KCNMA1: variants seen among roughly 807,000 people sequenced by gnomAD.
KCNMA1 encodes the protein Calcium-activated potassium channel subunit alpha-1.
KCNMA1 carries 29 observed loss-of-function variants against 140.0 expected under a neutral mutation model. The observed-to-expected ratio is 0.21, with a 90% CI of 0.15 to 0.28. The LOEUF is 0.28. KCNMA1 is among the 10% of genes least tolerant of loss of function. The pLI is 1.00. For synonymous variants in KCNMA1, 612 were observed against 611.9 expected, an observed-to-expected ratio of 1.00 and a Z score of 0.00; for missense variants, 880 against 1,602.2, an observed-to-expected ratio of 0.55 and a Z score of 7.70.
At chr10:77,391,909 G>A (rs866289777) in intron 2 of KCNMA1, among the ~76,000 whole-genome samples, 2 of 151,320 alleles carry the variant, frequency 1.3e-5, no homozygotes, top group East Asian at 2.0e-4. Flanking sequence ...AAACTTTCTC[G>A]CAGCTGAAAT....
intron 3 of KCNMA1, among the ~76,000 whole-genome samples, chr10:77,237,496 C>T (rs1479636353): frequency 6.6e-6 from 1 of 152,186 alleles, no homozygotes; most frequent in Admixed American, 6.5e-5. Flanking sequence ...CTCACTCTGT[C>T]CCTCAGGCTG....
chr10:77,483,732 G>C (rs1470140362), intron 1 of KCNMA1, among the ~76,000 whole-genome samples: 1 of 152,168 alleles, frequency 6.6e-6, no homozygotes, highest in Non-Finnish European at 1.5e-5. Context: ...CAAGAACCTG[G>C]TGAAAAGATG....
chr10:76,886,908 T>C lies in KCNMA1; in HGVS notation c.*358A>G. Reference sequence around the variant, plus strand: ...ATCCTGATAAATCAGAATCAACTTTTCTTTTACATTAAATAAACTTGCTCT... The same window carrying C: ...ATCCTGATAAATCAGAATCAACTTTCCTTTTACATTAAATAAACTTGCTCT... On this transcript the variant is annotated 3_prime_UTR_variant, in exon 28 of 28. Coordinates refer to ENST00000286628, the MANE Select transcript of KCNMA1 (RefSeq NM_001161352.2). 8.8e-7 allele frequency: 1 copy of C among 1,130,958 alleles called. No individual in the cohort carries two copies. The highest frequency in any genetic ancestry group is 1.1e-6 in the Non-Finnish European group (1 of 915,296). 70.1% of individuals were successfully genotyped at this position (1,130,958 alleles called of 1,614,324 possible). A position where few individuals can be genotyped will look rare whatever the true frequency, so the allele number is the denominator to read the frequency against.
rs547350453 is a variant in KCNMA1 at position 77,219,075 on chromosome 10, C to T, written c.602+32120G>A. ...CTTGAAGTGCCCTCCTGGTTCATTT[C>T]GTCTAGTGACAAATATGACTCCATA... On this transcript the variant is annotated intron_variant, in intron 3 of 27. Transcript: ENST00000286628. 5.9e-5 allele frequency among the ~76,000 whole-genome samples: 9 copies of T among 152,226 alleles called. No individual in the cohort carries two copies. In the South Asian group the frequency reaches 6.2e-4, roughly 11 times the overall value.
intron 1 of KCNMA1, among the ~76,000 whole-genome samples, chr10:77,489,059 G>GT (rs2098500332): frequency 6.6e-6 from 1 of 152,146 alleles, no homozygotes; most frequent in Non-Finnish European, 1.5e-5. Flanking sequence ...GGTCATAAGG[G>GT]TTGCAGGAGC....
intron 1 of KCNMA1, among the ~76,000 whole-genome samples, chr10:77,576,290 C>T (rs1015897155): frequency 9.2e-5 from 14 of 152,216 alleles, no homozygotes; most frequent in Non-Finnish European, 1.0e-4. Flanking sequence ...GAAACCTCCA[C>T]TCTGAGAGAC....
intron 19 of KCNMA1, among the ~76,000 whole-genome samples, chr10:76,999,754 A>G (rs1478510921): frequency 6.6e-6 from 1 of 152,068 alleles, no homozygotes; most frequent in Non-Finnish European, 1.5e-5. Flanking sequence ...TCTCAATGCA[A>G]CCTCCATTAG....
intron 1 of KCNMA1, among the ~76,000 whole-genome samples, chr10:77,448,194 C>T (rs1425701313): frequency 6.6e-6 from 1 of 152,184 alleles, no homozygotes; most frequent in Non-Finnish European, 1.5e-5. Flanking sequence ...CGTTGAAGCT[C>T]GGTGGGGCAG....
chr10:77,637,143 A>AG, intron 1 of KCNMA1, 122 bp downstream of exon 1: 1 of 1,232,716 alleles, frequency 8.1e-7, no homozygotes, highest in South Asian at 1.6e-5. Flanking sequence ...GAAGGCGGCG[A>AG]GGGGAAGGCA....
At chr10:76,989,675 A>T (rs2082213854) in intron 19 of KCNMA1, among the ~76,000 whole-genome samples, 1 of 152,214 alleles carries the variant, frequency 6.6e-6, no homozygotes, top group South Asian at 2.1e-4. Flanking sequence ...CCTAGAAATT[A>T]AACAAATTGA....
chr10:77,157,340 G>A (rs2098499653), intron 5 of KCNMA1, among the ~76,000 whole-genome samples: 1 of 152,114 alleles, frequency 6.6e-6, no homozygotes, highest in South Asian at 2.1e-4. Context: ...TACTCGGGAG[G>A]CTAGTACAAG....
intron 2 of KCNMA1, among the ~76,000 whole-genome samples, chr10:77,282,532 G>T (rs1248511039): frequency 6.6e-6 from 1 of 152,128 alleles, no homozygotes; most frequent in Non-Finnish European, 1.5e-5. Context: ...TGCAGGGCAG[G>T]TATATTAGAA....
At chr10:77,421,540 G>C (rs1300564585) in intron 1 of KCNMA1, among the ~76,000 whole-genome samples, 1 of 152,244 alleles carries the variant, frequency 6.6e-6, no homozygotes, top group African/African-American at 2.4e-5. Flanking sequence ...GGGGGCAAAA[G>C]TGGCCTTAGA....
intron 2 of KCNMA1, among the ~76,000 whole-genome samples, chr10:77,383,889 C>T (rs1243290010): frequency 2.6e-5 from 4 of 152,184 alleles, no homozygotes; most frequent in South Asian, 2.1e-4. Flanking sequence ...ATTTCAGATG[C>T]TCACTGACCA....
In KCNMA1 at chr10:77,037,929, G is replaced by T. The variant is rs548597546; in HGVS notation, c.1859+1599C>A. ...TCTGAATGCTTAACTCCTCTCAGTG[G>T]CAGGAAGAGAAATAGCTCTCAAAGA... On this transcript the variant is annotated intron_variant, in intron 15 of 27. Transcript: ENST00000286628. 2.6e-5 allele frequency among the ~76,000 whole-genome samples: 4 copies of T among 152,276 alleles called. No homozygotes were observed. The South Asian group carries it at 8.3e-4, about 32-fold the overall frequency.
At chr10:77,511,819 C>A (rs2048523775) in intron 1 of KCNMA1, among the ~76,000 whole-genome samples, 1 of 152,166 alleles carries the variant, frequency 6.6e-6, no homozygotes, top group Non-Finnish European at 1.5e-5. Context: ...CCAAGAAAAT[C>A]ATAGGTCAAG....
intron 1 of KCNMA1, among the ~76,000 whole-genome samples, chr10:77,453,811 G>C (rs570032186): frequency 5.1e-4 from 78 of 152,254 alleles, no homozygotes; most frequent in African/African-American, 1.8e-3. Flanking sequence ...TATCCAAGGT[G>C]GGGGAGAGAA....
chr10:77,076,770 G>A (rs1201126492), intron 13 of KCNMA1, among the ~76,000 whole-genome samples: 3 of 152,188 alleles, frequency 2.0e-5, no homozygotes, highest in Non-Finnish European at 4.4e-5. Context: ...TTATGATGAT[G>A]ACAAACTCAG....
intron 3 of KCNMA1, among the ~76,000 whole-genome samples, chr10:77,200,816 T>C (rs1378804376): frequency 1.3e-5 from 2 of 152,198 alleles, no homozygotes. Flanking sequence ...TAACAGATTA[T>C]AGACAAATTG....
Sources: allele counts gnomAD v4.1 joint callset (sites outside exome capture counted in the v4.1 genomes callset), GRCh38; gene constraint gnomAD v4.1.1; transcripts MANE v1.5; gene names NCBI Gene and HGNC (gene_info 2026-07-23, HGNC 2026-07-21).